Variants in TBC1D5 observed in about 807,000 individuals in gnomAD.
TBC1D5 encodes TBC1 domain family, member 5.
In TBC1D5, 75 loss-of-function variants were observed where a neutral mutation model predicts 100.3. That is an observed-to-expected ratio of 0.75 (90% confidence interval 0.62 to 0.91). TBC1D5 has a LOEUF of 0.91. TBC1D5 is among the 40% of genes least tolerant of loss of function. The probability of loss-of-function intolerance (pLI) is 0.00; values close to 1 mark genes in which losing one functional copy is unlikely to be tolerated. For synonymous variants in TBC1D5, 323 were observed against 325.6 expected, an observed-to-expected ratio of 0.99 and a Z score of 0.09; for missense variants, 910 against 942.4, an observed-to-expected ratio of 0.97 and a Z score of 0.45.
At chr3:17,643,811 T>C (rs564254019) in intron 1 of TBC1D5, among the ~76,000 whole-genome samples, 1 of 152,240 alleles carries the variant, frequency 6.6e-6, no homozygotes, top group East Asian at 1.9e-4. Context: ...TTTATATAAT[T>C]GTAGCCTCAT....
At chr3:17,700,945 C>T (rs557853430) in intron 1 of TBC1D5, among the ~76,000 whole-genome samples, 2 of 152,016 alleles carry the variant, frequency 1.3e-5, no homozygotes, top group Admixed American at 6.6e-5. Flanking sequence ...ATCTAGAACT[C>T]GAAATACCAT....
At chr3:17,590,582 G>A (rs1238277157) in intron 2 of TBC1D5, among the ~76,000 whole-genome samples, 1 of 152,132 alleles carries the variant, frequency 6.6e-6, no homozygotes, top group Non-Finnish European at 1.5e-5. Context: ...ATTTGTGAGG[G>A]CAGCACCTGC....
At chr3:17,303,210 T>C (rs1483837203) in intron 14 of TBC1D5, among the ~76,000 whole-genome samples, 2 of 152,206 alleles carry the variant, frequency 1.3e-5, no homozygotes, top group East Asian at 1.9e-4. Context: ...AACCTCCAGA[T>C]GTGAGGTGGA....
chr3:17,710,673 CATTTATTTT>C (rs1256714986), intron 1 of TBC1D5, among the ~76,000 whole-genome samples: 1 of 151,784 alleles, frequency 6.6e-6, no homozygotes, highest in Non-Finnish European at 1.5e-5. Context: ...AGATTGTTTT[CATTTATTTT>C]ATTTATTTAT....
intron 3 of TBC1D5, among the ~76,000 whole-genome samples, chr3:17,446,950 G>A (rs887656091): frequency 4.0e-5 from 6 of 149,672 alleles, no homozygotes; most frequent in African/African-American, 7.4e-5. Context: ...CAGCCTGGGC[G>A]ACAGAGCAAG....
At chr3:17,491,380 T>A (rs1397445698) in intron 3 of TBC1D5, among the ~76,000 whole-genome samples, 1 of 152,224 alleles carries the variant, frequency 6.6e-6, no homozygotes, top group Non-Finnish European at 1.5e-5. Flanking sequence ...GGTGTTCTTA[T>A]CTTGTGCCGG....
chr3:17,695,939 G>A (rs923500006), intron 1 of TBC1D5, among the ~76,000 whole-genome samples: 1 of 152,198 alleles, frequency 6.6e-6, no homozygotes, highest in Non-Finnish European at 1.5e-5. Flanking sequence ...TCAGGATTAA[G>A]AGAGTCATCA....
At chr3:17,601,564 T>C (rs2060943948) in intron 2 of TBC1D5, among the ~76,000 whole-genome samples, 1 of 152,188 alleles carries the variant, frequency 6.6e-6, no homozygotes, top group African/African-American at 2.4e-5. Context: ...TTTAAACTTA[T>C]AACTGCCCTT....
intron 17 of TBC1D5, among the ~76,000 whole-genome samples, chr3:17,221,290 T>C (rs1383448265): frequency 6.6e-6 from 1 of 151,810 alleles, no homozygotes; most frequent in Non-Finnish European, 1.5e-5. Flanking sequence ...TTTTTTAATT[T>C]TATTATTATT....
intron 1 of TBC1D5, among the ~76,000 whole-genome samples, chr3:17,661,788 G>GCA (rs2066681700): frequency 6.6e-6 from 1 of 152,060 alleles, no homozygotes; most frequent in African/African-American, 2.4e-5. Flanking sequence ...ATGAGCCATC[G>GCA]CACCTGGCCA....
At chr3:17,246,648 G>T (rs865930376) in intron 16 of TBC1D5, among the ~76,000 whole-genome samples, 4 of 152,164 alleles carry the variant, frequency 2.6e-5, no homozygotes, top group African/African-American at 9.7e-5. Context: ...AGAAAGAAAA[G>T]ACTTTTTAAC....
At chr3:17,188,407 A>T (rs978782370) in intron 18 of TBC1D5, among the ~76,000 whole-genome samples, 1 of 152,202 alleles carries the variant, frequency 6.6e-6, no homozygotes, top group Non-Finnish European at 1.5e-5. Flanking sequence ...ACATGGAAAA[A>T]GGCAACTTTG....
At chr3:17,617,406 G>A (rs1194027649) in intron 2 of TBC1D5, among the ~76,000 whole-genome samples, 1 of 152,078 alleles carries the variant, frequency 6.6e-6, no homozygotes, top group African/African-American at 2.4e-5. Context: ...TATCTTTGTG[G>A]TGTTCTCTGT....
chr3:17,444,076 A>G (rs1182651736), intron 3 of TBC1D5, among the ~76,000 whole-genome samples: 1 of 152,158 alleles, frequency 6.6e-6, no homozygotes, highest in African/African-American at 2.4e-5. Context: ...AAAATTACCT[A>G]AATAAAAATG....
At chr3:17,557,532 TTTTG>T (rs1436679199) in intron 2 of TBC1D5, among the ~76,000 whole-genome samples, 1 of 152,148 alleles carries the variant, frequency 6.6e-6, no homozygotes, top group Non-Finnish European at 1.5e-5. Flanking sequence ...GCATTCTTTG[TTTTG>T]TTTGTTTTGT....
At chr3:17,372,846 C>A (rs1167042172) in intron 12 of TBC1D5, among the ~76,000 whole-genome samples, 2 of 152,076 alleles carry the variant, frequency 1.3e-5, no homozygotes, top group Admixed American at 1.3e-4. Context: ...CTTCTACAAC[C>A]CTTTTAGAAT....
At chr3:17,638,274 A>C (rs1207864192) in intron 1 of TBC1D5, among the ~76,000 whole-genome samples, 2 of 152,038 alleles carry the variant, frequency 1.3e-5, no homozygotes, top group Non-Finnish European at 2.9e-5. Context: ...CATTTTTATT[A>C]CTCAATTCCA....
At chr3:17,483,763 T>A (rs1165557675) in intron 3 of TBC1D5, among the ~76,000 whole-genome samples, 1 of 152,208 alleles carries the variant, frequency 6.6e-6, no homozygotes, top group Non-Finnish European at 1.5e-5. Context: ...TGTTAATAAG[T>A]TACTTGTGAT....
At chr3:17,650,886 C>T (rs758782926) in intron 1 of TBC1D5, among the ~76,000 whole-genome samples, 6 of 152,068 alleles carry the variant, frequency 3.9e-5, no homozygotes, top group Non-Finnish European at 1.5e-5. Context: ...CAAGGCAATC[C>T]CTTTTGACTG....
Sources: allele counts gnomAD v4.1 joint callset (sites outside exome capture counted in the v4.1 genomes callset), GRCh38; gene constraint gnomAD v4.1.1; transcripts MANE v1.5; gene names NCBI Gene and HGNC (gene_info 2026-07-23, HGNC 2026-07-21).